PLRG1: variants seen among roughly 807,000 people sequenced by gnomAD.
PLRG1 encodes the protein pleiotropic regulator 1.
PLRG1 carries 28 observed loss-of-function variants against 74.9 expected under a neutral mutation model. The ratio of observed to expected loss-of-function variants is 0.37; its 90% confidence interval spans 0.28 to 0.51. PLRG1 has a LOEUF of 0.51. Among genes scored for constraint, PLRG1 ranks in the 20% least tolerant of loss-of-function variants. PLRG1 has a pLI of 0.91. For synonymous variants in PLRG1, 197 were observed against 212.4 expected, an observed-to-expected ratio of 0.93 and a Z score of 0.63; for missense variants, 445 against 631.9, an observed-to-expected ratio of 0.70 and a Z score of 3.17.
intron 7 of PLRG1, chr4:154,544,106 G>T: frequency 5.7e-6 from 1 of 175,316 alleles, no homozygotes; most frequent in Non-Finnish European, 1.2e-5. Flanking sequence ...AAGAGTAACT[G>T]GTAGGCCCAA....
At position 154,535,508 on chromosome 4, in the gene PLRG1, C is replaced by G. The variant is rs1055636435; in HGVS notation, c.*1177G>C. ...CAATTATACTCCCACCTATGGCATACAAGATGGGTAATGTAATTGGAAGTG... is the reference window on the plus strand; with the variant it reads ...CAATTATACTCCCACCTATGGCATAGAAGATGGGTAATGTAATTGGAAGTG... On this transcript the variant is annotated 3_prime_UTR_variant, in exon 15 of 15. Transcript: ENST00000499023. 4 of 150,182 alleles carry G rather than the reference C, an allele frequency of 2.7e-5. No individual in the cohort carries two copies. Among genetic ancestry groups the G allele is most frequent in the Non-Finnish European group, 5.9e-5 (4 of 67,632 alleles). The allele number at this position is 150,182 out of a possible 1,614,324, so 9.3% of individuals were successfully genotyped here.
Position 154,537,498 on chromosome 4 carries a change from G to C in PLRG1, c.1292-19C>G. On this transcript the variant is annotated intron_variant, in intron 13 of 14. Coordinates refer to ENST00000499023, the MANE Select transcript of PLRG1 (RefSeq NM_002669.4). ...TTGTCAGCTTAAAGGGAAAAATCTA[G>C]TTACACCTGGTATCCCCTCAGCAGT... The C allele has an allele frequency of 7.6e-6, 12 of 1,576,620 alleles. No individual in the cohort carries two copies. The highest frequency in any genetic ancestry group is 1.0e-5 in the Non-Finnish European group (12 of 1,147,142).
At chr4:154,549,761 A>T in intron 1 of PLRG1, 1 of 456,486 alleles carries the variant, frequency 2.2e-6, no homozygotes, top group Non-Finnish European at 4.4e-6. Context: ...TGTTGGTCTC[A>T]ATTAAGGTGG....
intron 7 of PLRG1, 150 bp from the exon 8 acceptor site, chr4:154,542,429 G>A (rs1729571387): frequency 3.3e-6 from 2 of 608,350 alleles, no homozygotes; most frequent in Admixed American, 2.8e-5. Flanking sequence ...ATTATCTTCA[G>A]TGAGTTAATA....
At chr4:154,545,665 A>G (rs186708325) in intron 6 of PLRG1, among the ~76,000 whole-genome samples, 171 bp downstream of exon 6, 1 of 152,374 alleles carries the variant, frequency 6.6e-6, no homozygotes, top group East Asian at 1.9e-4. Flanking sequence ...GACAAATAAC[A>G]GAATTAAATT....
chr4:154,542,953 T>C (rs935887554), intron 7 of PLRG1, among the ~76,000 whole-genome samples: 1 of 152,232 alleles, frequency 6.6e-6, no homozygotes, highest in Non-Finnish European at 1.5e-5. Flanking sequence ...ATTTAGTGTT[T>C]GGTAGCACTA....
chr4:154,537,433 A>T lies in PLRG1; in HGVS notation c.1338T>A (p.Asn446Lys). ...GCACAGCTGCGTGAACTCTCTGAAA[A>T]TTGTAGCCAGTTCTCCAGTCCCAAA... Reference protein sequence around the residue: ...MHLWDWRTGYNFQRVHAAVQP... With the variant: ...MHLWDWRTGYKFQRVHAAVQP... The change falls in exon 14 of 15, where the codon AAT (asparagine) becomes AAA (lysine). Residue 446 changes from asparagine (N) to lysine (K), a missense_variant. Transcript: ENST00000499023. The T allele has an allele frequency of 1.2e-6, 2 of 1,613,348 alleles. No homozygotes were observed. Among genetic ancestry groups the T allele is most frequent in the Non-Finnish European group, 1.7e-6 (2 of 1,179,522 alleles).
chr4:154,537,430 A>G lies in PLRG1; in HGVS notation c.1341T>C (p.Phe447=). ...HLWDWRTGYN[F]QRVHAAVQPG... Reference sequence around the variant, plus strand: ...GTTGCACAGCTGCGTGAACTCTCTGAAAATTGTAGCCAGTTCTCCAGTCCC... The same window carrying G: ...GTTGCACAGCTGCGTGAACTCTCTGGAAATTGTAGCCAGTTCTCCAGTCCC... Residue 447 remains phenylalanine, a synonymous_variant, in exon 14 of 15, where the codon TTT becomes TTC. Coordinates refer to ENST00000499023, the MANE Select transcript of PLRG1 (RefSeq NM_002669.4). The G allele has an allele frequency of 6.2e-7, 1 of 1,613,396 alleles. No individual in the cohort carries two copies. Among genetic ancestry groups the G allele is most frequent in the Non-Finnish European group, 8.5e-7 (1 of 1,179,520 alleles).
Position 154,536,552 on chromosome 4 carries a change from T to A in PLRG1, c.*133A>T, listed in dbSNP as rs1323472311. On this transcript the variant is annotated 3_prime_UTR_variant, in exon 15 of 15. Transcript: ENST00000499023. ...TTTATTGTAAAATATGAAGCAGCAA[T>A]GATTGAAGCAAGTGAATTTCTCCTT... is the stretch of plus-strand genomic sequence containing the variant. The A allele has an allele frequency of 9.3e-6, 6 of 643,872 alleles. No individual in the cohort carries two copies. The East Asian group carries it at 1.4e-4, about 15-fold the overall frequency. 39.9% of individuals were successfully genotyped at this position (643,872 alleles called of 1,614,324 possible).
At chr4:154,547,512 C>A (rs1729679779) in intron 3 of PLRG1, 199 bp downstream of exon 3, 4 of 592,390 alleles carry the variant, frequency 6.8e-6, no homozygotes, top group Non-Finnish European at 8.8e-6. Flanking sequence ...CATTATACTA[C>A]CATTTTTATT....
chr4:154,536,764 T>G lies in PLRG1; in HGVS notation c.1486-20A>C, dbSNP rs1729460214. On this transcript the variant is annotated intron_variant, in intron 14 of 14. Transcript: ENST00000499023. ...TTCTGTCTAAAAATAGAAAAGTGAG[T>G]TAAAATAAAGTATTATTAGTTTGCT... 1.5e-6 allele frequency: 2 copies of G among 1,366,544 alleles called. No homozygotes were observed. Among genetic ancestry groups the G allele is most frequent in the African/African-American group, 2.9e-5 (2 of 68,122 alleles). The allele number at this position is 1,366,544 out of a possible 1,614,324, so 84.7% of individuals were successfully genotyped here.
At chr4:154,539,045 T>C in intron 12 of PLRG1, 60 bp downstream of exon 12, 3 of 998,668 alleles carry the variant, frequency 3.0e-6, no homozygotes, top group Non-Finnish European at 4.8e-6. Flanking sequence ...ACCACTAGCA[T>C]TTCAGCATTA....
At chr4:154,546,830 T>G in intron 4 of PLRG1, 181 bp downstream of exon 4, 1 of 591,546 alleles carries the variant, frequency 1.7e-6, no homozygotes, top group Non-Finnish European at 3.1e-6. Context: ...TATACGTACT[T>G]AAGAATGTTT....
At chr4:154,545,710 T>C in intron 6 of PLRG1, 126 bp downstream of exon 6, 1 of 563,204 alleles carries the variant, frequency 1.8e-6, no homozygotes, top group Non-Finnish European at 3.2e-6. Context: ...CAACTTGAGT[T>C]TTAGGGCTAT....
At position 154,548,225 on chromosome 4, in the gene PLRG1, T is replaced by G. The variant is rs28641929; in HGVS notation, c.117-372A>C. Among the ~76,000 whole-genome samples the G allele has an allele frequency of 2.6e-3, 390 of 152,292 alleles. 1 individual carries two copies. Among genetic ancestry groups the G allele is most frequent in the African/African-American group, 8.5e-3 (353 of 41,564 alleles). ...AAACTCTATAGCAACCTTTACTAGA[T>G]GTATCCAAACAGGTTAGTTAGAACT... On this transcript the variant is annotated intron_variant, in intron 2 of 14. Transcript: ENST00000499023.
Position 154,535,163 on chromosome 4 carries a change from T to A in PLRG1, c.*1522A>T, listed in dbSNP as rs919396245. 12 of 152,016 alleles carry A rather than the reference T, an allele frequency of 7.9e-5. 1 individual carries two copies. Among genetic ancestry groups the A allele is most frequent in the African/African-American group, 2.7e-4 (11 of 41,394 alleles). The allele number at this position is 152,016 out of a possible 1,614,324, so 9.4% of individuals were successfully genotyped here. A position where few individuals can be genotyped will look rare whatever the true frequency, so the allele number is the denominator to read the frequency against. Reference sequence around the variant, plus strand: ...GTGGTGTTACTTATATTTTAGAGCATCAAGTTGTCCACAAAAATGCTTGCA... The same window carrying A: ...GTGGTGTTACTTATATTTTAGAGCAACAAGTTGTCCACAAAAATGCTTGCA... On this transcript the variant is annotated 3_prime_UTR_variant, in exon 15 of 15. Transcript: ENST00000499023.
Position 154,536,739 on chromosome 4 carries a change from T to C in PLRG1, c.1491A>G (p.Glu497=). Residue 497 remains glutamate, a synonymous_variant, in exon 15 of 15, where the codon GAA becomes GAG. Transcript: ENST00000499023. ...KVYREDDTAT[E]ETHPVSWKPE... The stretch of plus-strand genomic sequence containing the variant: ...GTTTCCAGCTGACTGGATGAGTTTC[T>C]TCTGTCTAAAAATAGAAAAGTGAGT... 5 of 1,505,334 alleles carry C rather than the reference T, an allele frequency of 3.3e-6. No homozygotes were observed. The highest frequency in any genetic ancestry group is 4.5e-6 in the Non-Finnish European group (5 of 1,103,566). 93.2% of individuals were successfully genotyped at this position (1,505,334 alleles called of 1,614,324 possible).
At chr4:154,550,174 G>A in intron 1 of PLRG1, 126 bp downstream of exon 1, 1 of 912,660 alleles carries the variant, frequency 1.1e-6, no homozygotes, top group South Asian at 1.3e-5. Flanking sequence ...ACTCGGCCTT[G>A]GCCAAATAGC....
rs907945318 is a variant in PLRG1 at position 154,536,345 on chromosome 4, A to C, written c.*340T>G. On this transcript the variant is annotated 3_prime_UTR_variant, in exon 15 of 15. Transcript: ENST00000499023. Reference sequence around the variant, plus strand: ...CTAAAAAAAAACTACTGCTCCTTCAAATGTCCTAATTATCGGTTTCATACA... The same window carrying C: ...CTAAAAAAAAACTACTGCTCCTTCACATGTCCTAATTATCGGTTTCATACA... 1 of 175,492 alleles carries C rather than the reference A, an allele frequency of 5.7e-6. No homozygotes were observed. The highest frequency in any genetic ancestry group is 2.4e-5 in the African/African-American group (1 of 42,242). The allele number at this position is 175,492 out of a possible 1,614,324, so 10.9% of individuals were successfully genotyped here.
Sources: allele counts gnomAD v4.1 joint callset (sites outside exome capture counted in the v4.1 genomes callset), GRCh38; gene constraint gnomAD v4.1.1; transcripts MANE v1.5; gene names NCBI Gene and HGNC (gene_info 2026-07-23, HGNC 2026-07-21).